The following TAOK1 variants were observed in gnomAD, a reference collection of about 807,000 sequenced individuals.
The protein encoded by TAOK1 is serine/threonine-protein kinase TAO1.
A neutral mutation model predicts 138.3 loss-of-function variants in TAOK1; 21 were observed. That is an observed-to-expected ratio of 0.15 (90% CI 0.11 to 0.22). TAOK1 has a LOEUF of 0.22. TAOK1 is among the 10% of genes least tolerant of loss of function. The pLI is 1.00. For synonymous variants in TAOK1, 361 were observed against 398.4 expected (o/e 0.91, Z 1.12); for missense variants, 651 against 1,227.7 (o/e 0.53, Z 7.02).
intron 2 of TAOK1, among the ~76,000 whole-genome samples, chr17:29,452,492 G>A (rs938764317): frequency 1.3e-5 from 2 of 152,062 alleles, no homozygotes; most frequent in Non-Finnish European, 2.9e-5. Flanking sequence ...ATATGCATTT[G>A]TGTGTGCGTG....
chr17:29,446,095 G>A (rs1052428202), intron 1 of TAOK1, among the ~76,000 whole-genome samples: 3 of 151,812 alleles, frequency 2.0e-5, no homozygotes, highest in Non-Finnish European at 4.4e-5. Flanking sequence ...ATGTGTGTAG[G>A]GTCTGTAGTG....
chr17:29,401,136 A>G (rs1904827782), intron 1 of TAOK1, among the ~76,000 whole-genome samples: 1 of 152,004 alleles, frequency 6.6e-6, no homozygotes, highest in Non-Finnish European at 1.5e-5. Context: ...GATGGTCTCA[A>G]ATTCCTGATC....
intron 1 of TAOK1, among the ~76,000 whole-genome samples, chr17:29,427,720 A>G (rs978228419): frequency 4.6e-5 from 7 of 151,818 alleles, no homozygotes; most frequent in African/African-American, 1.7e-4. Context: ...TGAGGTCAAA[A>G]GTTCCATACC....
chr17:29,401,602 A>G (rs761662049), intron 1 of TAOK1, among the ~76,000 whole-genome samples: 3 of 152,084 alleles, frequency 2.0e-5, no homozygotes, highest in Non-Finnish European at 4.4e-5. Flanking sequence ...GGAGATTACA[A>G]TTTAACATGA....
At chr17:29,502,906 C>G (rs1423401403) in intron 13 of TAOK1, among the ~76,000 whole-genome samples, 183 bp downstream of exon 13, 1 of 152,088 alleles carries the variant, frequency 6.6e-6, no homozygotes, top group Non-Finnish European at 1.5e-5. Context: ...GTTAAACTAA[C>G]AATGTCTTCA....
At chr17:29,418,211 T>A (rs1905316235) in intron 1 of TAOK1, among the ~76,000 whole-genome samples, 1 of 151,772 alleles carries the variant, frequency 6.6e-6, no homozygotes, top group Admixed American at 6.6e-5. Flanking sequence ...CGAGACAGGA[T>A]CTTGCTCTGT....
intron 3 of TAOK1, among the ~76,000 whole-genome samples, chr17:29,468,350 T>C (rs1030354724): frequency 6.6e-6 from 1 of 151,634 alleles, no homozygotes; most frequent in Admixed American, 6.6e-5. Context: ...TTGGCCAGAC[T>C]GTTCTCGAAC....
Position 29,530,616 on chromosome 17 carries a change from A to G in TAOK1, c.2358A>G (p.Gln786=). 6.2e-7 allele frequency: 1 copy of G among 1,613,768 alleles called. No individual in the cohort carries two copies. Among genetic ancestry groups the G allele is most frequent in the Non-Finnish European group, 8.5e-7 (1 of 1,179,872 alleles). Residue 786 remains glutamine, a synonymous_variant, in exon 18 of 20, where the codon CAA becomes CAG. Coordinates refer to ENST00000261716, the MANE Select transcript of TAOK1 (RefSeq NM_020791.4). ...DHSINEMLST[Q]ALRLDEAQEA... ...GCATTAATGAAATGCTCTCCACACA[A>G]GCCGTGAGTTTGCTTTTTTTGGGGC...
Position 29,542,078 on chromosome 17 carries a change from C to A in TAOK1, c.2545-483C>A, listed in dbSNP as rs181739219. 3.5e-3 allele frequency among the ~76,000 whole-genome samples: 536 copies of A among 152,146 alleles called. 1 individual carries two copies. Among genetic ancestry groups the A allele is most frequent in the African/African-American group, 0.012 (519 of 41,540 alleles). Reference sequence around the variant, plus strand: ...ATTTTTAGTAGACACAGGGTTTCACCATGTTAGCCAGGATGGTCTCGATCT... The same window carrying A: ...ATTTTTAGTAGACACAGGGTTTCACAATGTTAGCCAGGATGGTCTCGATCT... On this transcript the variant is annotated intron_variant, in intron 19 of 19. Coordinates refer to ENST00000261716, the MANE Select transcript of TAOK1 (RefSeq NM_020791.4).
chr17:29,472,162 G>A (rs1047152994), intron 3 of TAOK1, among the ~76,000 whole-genome samples: 6 of 151,936 alleles, frequency 3.9e-5, no homozygotes, highest in Admixed American at 2.0e-4. Context: ...GTTCTTAATG[G>A]CATCTAGAAT....
intron 1 of TAOK1, among the ~76,000 whole-genome samples, chr17:29,411,222 G>T (rs1442516441): frequency 1.4e-5 from 2 of 147,292 alleles, no homozygotes; most frequent in Non-Finnish European, 1.5e-5. Context: ...CTCCCAAGTA[G>T]CTGGGACTAC....
At chr17:29,519,807 C>T (rs770908243) in intron 16 of TAOK1, among the ~76,000 whole-genome samples, 16 of 152,262 alleles carry the variant, frequency 1.1e-4, no homozygotes, top group South Asian at 6.2e-4. Context: ...AAATTTAATA[C>T]GCACATAGCA....
Position 29,550,930 on chromosome 17 carries a change from C to A in TAOK1, c.*7908C>A, listed in dbSNP as rs896393314. ...CCATTTGCATTATTTGTGCAAATGC[C>A]AGGGTTGGTTTTTATTTTTATTTTT... On this transcript the variant is annotated 3_prime_UTR_variant, in exon 20 of 20. Coordinates refer to ENST00000261716, the MANE Select transcript of TAOK1 (RefSeq NM_020791.4). The A allele has an allele frequency of 1.3e-5, 2 of 152,180 alleles. No individual in the cohort carries two copies. Among genetic ancestry groups the A allele is most frequent in the African/African-American group, 4.8e-5 (2 of 41,280 alleles). The allele number at this position is 152,180 out of a possible 1,614,324, so 9.4% of individuals were successfully genotyped here.
chr17:29,475,229 G>C (rs1474708084), intron 3 of TAOK1, among the ~76,000 whole-genome samples: 1 of 152,130 alleles, frequency 6.6e-6, no homozygotes, highest in Non-Finnish European at 1.5e-5. Context: ...GTGAGCCACT[G>C]TACCTGGCTG....
At chr17:29,455,059 C>T (rs1211263459) in intron 2 of TAOK1, among the ~76,000 whole-genome samples, 4 of 151,996 alleles carry the variant, frequency 2.6e-5, no homozygotes, top group Non-Finnish European at 4.4e-5. Context: ...TACAGGTACA[C>T]ACCACCACAC....
chr17:29,532,941 A>AC lies in TAOK1; in HGVS notation c.2362-1170dup, dbSNP rs536876355. 1.4e-3 allele frequency among the ~76,000 whole-genome samples: 162 copies of AC among 115,296 alleles called. 1 individual carries two copies. The highest frequency in any genetic ancestry group is 3.0e-3 in the South Asian group (10 of 3,308). The allele number at this position is 115,296 out of a possible 152,430, so 75.6% of individuals were successfully genotyped here. On this transcript the variant is annotated intron_variant, in intron 18 of 19. Transcript: ENST00000261716. ...GGGCGGCTGGCCGGGTGGGGGGCTG[A>AC]CCCCCCCACCTCCCTCCCGGACGGG...
At chr17:29,479,674 G>A (rs1449606476) in intron 6 of TAOK1, among the ~76,000 whole-genome samples, 2 of 152,006 alleles carry the variant, frequency 1.3e-5, no homozygotes, top group African/African-American at 2.4e-5. Context: ...ACAAGGGCTT[G>A]GAAATTCAGC....
intron 3 of TAOK1, among the ~76,000 whole-genome samples, chr17:29,472,118 A>G (rs2030832093): frequency 6.6e-6 from 1 of 152,122 alleles, no homozygotes; most frequent in Admixed American, 6.6e-5. Flanking sequence ...ACTCCTGATA[A>G]TGTTGCTAAT....
intron 1 of TAOK1, among the ~76,000 whole-genome samples, chr17:29,444,043 A>G (rs1054998921): frequency 3.3e-5 from 5 of 151,950 alleles, no homozygotes; most frequent in African/African-American, 1.2e-4. Context: ...TGAGCTCGGG[A>G]GACAGAGGTT....
Sources: gnomAD v4.1 joint callset for allele counts (sites outside exome capture counted in the v4.1 genomes callset) on GRCh38, gnomAD v4.1.1 for gene constraint, MANE v1.5 for transcripts, NCBI Gene and HGNC (gene_info 2026-07-23, HGNC 2026-07-21) for gene names.